KIF26B: variants seen among roughly 807,000 people sequenced by gnomAD.
KIF26B encodes kinesin family member 26B, also known as kinesin-like protein KIF26B.
In KIF26B, 63 loss-of-function variants were observed where a neutral mutation model predicts 151.2. That is an observed-to-expected ratio of 0.42 (90% CI 0.34 to 0.51). The LOEUF (loss-of-function observed/expected upper bound fraction) is 0.51, where lower values mean the gene tolerates loss of function less well. Among genes scored for constraint, KIF26B ranks in the 20% least tolerant of loss-of-function variants. The probability of loss-of-function intolerance (pLI) is 0.07; values close to 1 mark genes in which losing one functional copy is unlikely to be tolerated. For missense variants in KIF26B, 2,813 were observed against 2,913.6 expected (o/e 0.97, Z 0.79); for synonymous variants, 1,357 against 1,262.1 (o/e 1.08, Z -1.59).
rs1314980368 is a variant in KIF26B at position 245,572,787 on chromosome 1, T to C, written c.1351-29790T>C. Among the ~76,000 whole-genome samples, 2 of 152,132 alleles carry C rather than the reference T, an allele frequency of 1.3e-5. No individual in the cohort carries two copies. ...ATTTAGCATGACCCTATGAAATGCC[T>C]GTGTGACCAAAAGCAGATCAACTGA... On this transcript the variant is annotated intron_variant, in intron 5 of 14. Transcript: ENST00000407071. The surrounding 1 kb of genome is among the most constrained non-coding windows in gnomAD (Gnocchi z 4.2).
chr1:245,653,479 G>A (rs1311702882), intron 10 of KIF26B, among the ~76,000 whole-genome samples: 6 of 152,140 alleles, frequency 3.9e-5, no homozygotes, highest in African/African-American at 1.4e-4. Flanking sequence ...TGCCTCACAA[G>A]CTCTGCTAAA....
intron 4 of KIF26B, among the ~76,000 whole-genome samples, chr1:245,435,138 T>TCCATCTCTCCATCTAC (rs1658884338): frequency 8.3e-6 from 1 of 120,820 alleles, no homozygotes; most frequent in Non-Finnish European, 1.9e-5. Flanking sequence ...TACCCATCCA[T>TCCATCTCTCCATCTAC]CCATCCATCC....
At chr1:245,485,462 C>A (rs1221327872) in intron 4 of KIF26B, among the ~76,000 whole-genome samples, 1 of 149,846 alleles carries the variant, frequency 6.7e-6, no homozygotes, top group South Asian at 2.1e-4. Context: ...CGGCTCACTG[C>A]AACCTCCACC....
chr1:245,511,095 A>G (rs1282885773), intron 4 of KIF26B: 1 of 717,398 alleles, frequency 1.4e-6, no homozygotes, highest in East Asian at 2.7e-5. Context: ...TTATTTAGCC[A>G]TGACTTATCA....
intron 2 of KIF26B, among the ~76,000 whole-genome samples, chr1:245,236,432 G>A (rs1229457167): frequency 7.2e-5 from 11 of 152,180 alleles, no homozygotes; most frequent in South Asian, 2.1e-4. Flanking sequence ...AGGATATTGC[G>A]TATAAAATGG....
intron 2 of KIF26B, among the ~76,000 whole-genome samples, chr1:245,287,108 C>CA (rs1362861591): frequency 4.0e-5 from 6 of 151,416 alleles, no homozygotes; most frequent in Non-Finnish European, 7.4e-5. Flanking sequence ...GACTCTGTCT[C>CA]AAAAAAAACA....
intron 5 of KIF26B, among the ~76,000 whole-genome samples, chr1:245,582,525 G>A (rs1572140349): frequency 1.3e-5 from 2 of 152,092 alleles, no homozygotes; most frequent in East Asian, 1.9e-4. Context: ...AGGAAAAAAC[G>A]ACTTTAACTC....
At chr1:245,638,853 T>C (rs919840504) in intron 9 of KIF26B, among the ~76,000 whole-genome samples, 2 of 151,878 alleles carry the variant, frequency 1.3e-5, no homozygotes, top group East Asian at 1.9e-4. Flanking sequence ...TTATGGTGAA[T>C]GGTCTTTTTA....
At chr1:245,256,026 C>CT (rs1418634923) in intron 2 of KIF26B, among the ~76,000 whole-genome samples, 1 of 152,050 alleles carries the variant, frequency 6.6e-6, no homozygotes, top group African/African-American at 2.4e-5. Context: ...GTTTTCCTTC[C>CT]TTTTTATTGG....
intron 2 of KIF26B, among the ~76,000 whole-genome samples, chr1:245,243,979 G>A (rs563790003): frequency 6.6e-6 from 1 of 152,218 alleles, no homozygotes; most frequent in South Asian, 2.1e-4. Context: ...TCACTCTGAT[G>A]TCCAGGTTGG....
At chr1:245,279,529 C>T (rs944762964) in intron 2 of KIF26B, among the ~76,000 whole-genome samples, 14 of 151,884 alleles carry the variant, frequency 9.2e-5, no homozygotes, top group Non-Finnish European at 1.8e-4. Context: ...AGCTGGTCTT[C>T]AACTCCTGGG....
At chr1:245,647,424 C>CAAAA (rs372008159) in intron 10 of KIF26B, among the ~76,000 whole-genome samples, 9 of 96,470 alleles carry the variant, frequency 9.3e-5, no homozygotes, top group East Asian at 5.9e-4. Flanking sequence ...GACTCCTTCT[C>CAAAA]AAAAAAAAAA....
At chr1:245,351,158 G>A (rs28461244) in intron 2 of KIF26B, among the ~76,000 whole-genome samples, 18 of 152,228 alleles carry the variant, frequency 1.2e-4, no homozygotes, top group African/African-American at 4.1e-4. Flanking sequence ...TTCCCTGTCC[G>A]CATGGAGGGT....
At chr1:245,509,394 T>G (rs1934065) in intron 4 of KIF26B, among the ~76,000 whole-genome samples, 1,690 of 152,242 alleles carry the variant, frequency 0.011, 30 homozygotes, top group African/African-American at 0.038. Context: ...AAGATGAGCG[T>G]TCCAGGTAAA....
rs534794494 is a variant in KIF26B at position 245,671,085 on chromosome 1, G to A, written c.2259-13148G>A. Among the ~76,000 whole-genome samples the A allele has an allele frequency of 7.2e-5, 11 of 152,266 alleles. No homozygotes were observed. The East Asian group carries it at 1.9e-3, about 27-fold the overall frequency. ...TTTGATTTTTAGGTCTCACAAACAA[G>A]TGAGAACATGTGATGTTTGTCTTTC... On this transcript the variant is annotated intron_variant, in intron 10 of 14. Transcript: ENST00000407071.
At chr1:245,473,715 G>A (rs1659967043) in intron 4 of KIF26B, among the ~76,000 whole-genome samples, 1 of 151,832 alleles carries the variant, frequency 6.6e-6, no homozygotes, top group African/African-American at 2.4e-5. Context: ...CAACAAATAG[G>A]ATTATACAAC....
chr1:245,460,433 C>A (rs1014415726), intron 4 of KIF26B, among the ~76,000 whole-genome samples: 3 of 152,120 alleles, frequency 2.0e-5, no homozygotes, highest in African/African-American at 7.2e-5. Context: ...GTAACACAGC[C>A]ACCCCCATTT....
rs34744401 is a variant in KIF26B, at chr1:245,416,280, C to CAAA, written c.1000-3282_1000-3280dup. ...GGGCAACAAGAGCGAAACTCTGTCT[C>CAAA]AAAAAAAAAAAAAAAAAAAGAATCA... On this transcript the variant is annotated intron_variant, in intron 3 of 14. Transcript: ENST00000407071. 8.5e-3 allele frequency among the ~76,000 whole-genome samples: 436 copies of CAAA among 51,312 alleles called. 13 individuals are homozygous for CAAA. Among genetic ancestry groups the CAAA allele is most frequent in the African/African-American group, 0.021 (320 of 15,054 alleles). The allele number at this position is 51,312 out of a possible 152,430, so 33.7% of individuals were successfully genotyped here.
chr1:245,508,179 C>T (rs1660761421), intron 4 of KIF26B, among the ~76,000 whole-genome samples: 1 of 152,208 alleles, frequency 6.6e-6, no homozygotes, highest in African/African-American at 2.4e-5. Flanking sequence ...GTTCTAGACC[C>T]TTCACCATTC....
Sources: gnomAD v4.1 joint callset for allele counts (sites outside exome capture counted in the v4.1 genomes callset) on GRCh38, gnomAD v4.1.1 for gene constraint, Gnocchi (gnomAD v3.1) non-coding constraint, MANE v1.5 for transcripts, NCBI Gene and HGNC (gene_info 2026-07-23, HGNC 2026-07-21) for gene names.